The following ULK4 variants were observed in gnomAD, a reference collection of about 807,000 sequenced individuals.
ULK4 encodes unc-51 like kinase 4, also known as inactive serine/threonine-protein kinase ULK4.
ULK4 carries 133 observed loss-of-function variants against 160.6 expected under a neutral mutation model. The ratio of observed to expected loss-of-function variants is 0.83; its 90% confidence interval spans 0.72 to 0.96. ULK4 has a LOEUF of 0.96. ULK4 is among the 40% of genes least tolerant of loss of function. The probability of loss-of-function intolerance (pLI) is 0.00; values close to 1 mark genes in which losing one functional copy is unlikely to be tolerated. For missense variants in ULK4, 1,580 were observed against 1,499.5 expected, an observed-to-expected ratio of 1.05 and a Z score of -0.89; for synonymous variants, 534 against 539.8, an observed-to-expected ratio of 0.99 and a Z score of 0.15.
At chr3:41,307,427 T>C (rs1044175209) in intron 35 of ULK4, among the ~76,000 whole-genome samples, 5 of 152,218 alleles carry the variant, frequency 3.3e-5, no homozygotes, top group African/African-American at 9.6e-5. Context: ...TAAAGATGCA[T>C]TGTAAGAGAC....
At chr3:41,679,933 C>T (rs2035866001) in intron 29 of ULK4, among the ~76,000 whole-genome samples, 1 of 152,174 alleles carries the variant, frequency 6.6e-6, no homozygotes, top group Non-Finnish European at 1.5e-5. Context: ...AAGCTGGCCT[C>T]AAACCCCTGA....
At position 41,440,186 on chromosome 3, in the gene ULK4, A is replaced by G. The variant is rs7626553; in HGVS notation, c.3492+15311T>C. 1.6e-4 allele frequency among the ~76,000 whole-genome samples: 25 copies of G among 151,982 alleles called. No individual in the cohort carries two copies. The South Asian group carries it at 4.8e-3, about 29-fold the overall frequency. ...TTCTTTTCCAATCTGGATGATTTTTAATTATTTTTCTTGTTTGATTGCACT... is the reference window on the plus strand; with the variant it reads ...TTCTTTTCCAATCTGGATGATTTTTGATTATTTTTCTTGTTTGATTGCACT... On this transcript the variant is annotated intron_variant, in intron 34 of 36. Coordinates refer to ENST00000301831, the MANE Select transcript of ULK4 (RefSeq NM_017886.4).
At chr3:41,380,230 T>C (rs1252679974) in intron 35 of ULK4, among the ~76,000 whole-genome samples, 1 of 152,158 alleles carries the variant, frequency 6.6e-6, no homozygotes, top group African/African-American at 2.4e-5. Flanking sequence ...CAAAAGGGAA[T>C]GCTAATTTGA....
chr3:41,396,172 G>A (rs1339242260), intron 35 of ULK4, among the ~76,000 whole-genome samples: 1 of 152,022 alleles, frequency 6.6e-6, no homozygotes, highest in Non-Finnish European at 1.5e-5. Flanking sequence ...ACTCACAGGA[G>A]CCCATGTTTG....
chr3:41,599,160 G>T (rs1295994081), intron 31 of ULK4, among the ~76,000 whole-genome samples: 2 of 152,160 alleles, frequency 1.3e-5, no homozygotes. Flanking sequence ...GTGGGATGAG[G>T]ATAATCTAAT....
chr3:41,383,592 C>T (rs908886528), intron 35 of ULK4, among the ~76,000 whole-genome samples: 7 of 152,112 alleles, frequency 4.6e-5, no homozygotes, highest in African/African-American at 1.4e-4. Flanking sequence ...ATCAGGAAAA[C>T]GCCATAGGAA....
intron 21 of ULK4, among the ~76,000 whole-genome samples, chr3:41,763,829 G>A (rs1356787008): frequency 6.6e-6 from 1 of 152,174 alleles, no homozygotes; most frequent in South Asian, 2.1e-4. Flanking sequence ...ATATATGAAA[G>A]CTTCAGTTGT....
At chr3:41,795,990 G>A (rs1216637628) in intron 20 of ULK4, among the ~76,000 whole-genome samples, 2 of 152,186 alleles carry the variant, frequency 1.3e-5, no homozygotes, top group East Asian at 1.9e-4. Context: ...AAGTATCAAA[G>A]AGGATGTCTA....
intron 35 of ULK4, among the ~76,000 whole-genome samples, chr3:41,286,452 G>C (rs1346991976): frequency 6.6e-6 from 1 of 152,152 alleles, no homozygotes; most frequent in Non-Finnish European, 1.5e-5. Context: ...TATGCTATGG[G>C]GGAAAGCAGA....
intron 34 of ULK4, among the ~76,000 whole-genome samples, chr3:41,444,569 T>A (rs1180350755): frequency 1.3e-5 from 2 of 152,208 alleles, no homozygotes; most frequent in Non-Finnish European, 2.9e-5. Flanking sequence ...ATATCTAACC[T>A]TGAGATTTGG....
At position 41,593,531 on chromosome 3, in the gene ULK4, G is replaced by A. The variant is rs144172316; in HGVS notation, c.3120+22138C>T. Among the ~76,000 whole-genome samples, 26 of 152,258 alleles carry A rather than the reference G, an allele frequency of 1.7e-4. No individual in the cohort carries two copies. The East Asian group carries it at 5.0e-3, about 29-fold the overall frequency. ...TTCACGGATGCTGGAACCACACAAA[G>A]AGATGACCGGTCTATAGTTGATAGT... On this transcript the variant is annotated intron_variant, in intron 31 of 36. Coordinates refer to ENST00000301831, the MANE Select transcript of ULK4 (RefSeq NM_017886.4).
intron 17 of ULK4, among the ~76,000 whole-genome samples, chr3:41,875,255 A>G (rs1697257818): frequency 6.6e-6 from 1 of 152,186 alleles, no homozygotes; most frequent in South Asian, 2.1e-4. Flanking sequence ...AACTTAGTGA[A>G]TTAATAATCT....
At chr3:41,344,363 A>G (rs1202068703) in intron 35 of ULK4, among the ~76,000 whole-genome samples, 1 of 152,190 alleles carries the variant, frequency 6.6e-6, no homozygotes, top group African/African-American at 2.4e-5. Flanking sequence ...AAAACCCAAA[A>G]CTACAAAAAC....
intron 31 of ULK4, among the ~76,000 whole-genome samples, chr3:41,593,940 G>A (rs577217249): frequency 1.3e-5 from 2 of 152,076 alleles, no homozygotes; most frequent in East Asian, 1.9e-4. Flanking sequence ...TGGGGGAAGG[G>A]GGGCTGAGGT....
At chr3:41,759,917 C>A (rs772823265) in intron 21 of ULK4, among the ~76,000 whole-genome samples, 36 of 152,102 alleles carry the variant, frequency 2.4e-4, no homozygotes, top group Non-Finnish European at 4.4e-4. Context: ...TGTTAACTTA[C>A]ACTCATTCCT....
At chr3:41,361,470 T>C (rs61193115) in intron 35 of ULK4, among the ~76,000 whole-genome samples, 7,548 of 152,234 alleles carry the variant, frequency 0.05, 449 homozygotes, top group East Asian at 0.21. Flanking sequence ...GGCCTGACAG[T>C]GGGCCATTCT....
chr3:41,526,230 A>G (rs1226818274), intron 32 of ULK4, among the ~76,000 whole-genome samples: 11 of 152,056 alleles, frequency 7.2e-5, no homozygotes, highest in African/African-American at 2.7e-4. Flanking sequence ...TGCCTTTTGT[A>G]TAAGTTTCTT....
intron 34 of ULK4, among the ~76,000 whole-genome samples, chr3:41,420,375 G>A (rs1224629170): frequency 6.7e-6 from 1 of 150,088 alleles, no homozygotes; most frequent in East Asian, 2.0e-4. Flanking sequence ...TCATGTACAA[G>A]TAATCATGAC....
intron 34 of ULK4, among the ~76,000 whole-genome samples, chr3:41,447,452 C>T (rs894278797): frequency 4.6e-5 from 7 of 152,016 alleles, no homozygotes; most frequent in African/African-American, 1.7e-4. Context: ...TGGCCAATAA[C>T]AAAATGCCAT....
Sources: allele counts gnomAD v4.1 joint callset (sites outside exome capture counted in the v4.1 genomes callset), GRCh38; gene constraint gnomAD v4.1.1; transcripts MANE v1.5; gene names NCBI Gene and HGNC (gene_info 2026-07-23, HGNC 2026-07-21).